AAK1: variants seen among roughly 807,000 people sequenced by gnomAD.
AAK1 encodes the protein AP2-associated protein kinase 1.
In AAK1, 37 loss-of-function variants were observed where a neutral mutation model predicts 116.0. The observed-to-expected ratio is 0.32, with a 90% confidence interval of 0.25 to 0.42. The LOEUF is 0.42. Ranked by LOEUF, AAK1 falls within the 10% of genes least tolerant of loss-of-function variation. The pLI is 1.00. For missense variants in AAK1, 919 were observed against 1,170.6 expected (o/e 0.79, Z 3.14); for synonymous variants, 458 against 439.9 (o/e 1.04, Z -0.51).
intron 2 of AAK1, among the ~76,000 whole-genome samples, chr2:69,560,852 G>C (rs559223109): frequency 2.0e-5 from 3 of 152,292 alleles, no homozygotes; most frequent in African/African-American, 7.2e-5. Context: ...ATTCAATAAT[G>C]AACTAACTCT....
At chr2:69,531,848 G>C (rs1279506351) in intron 6 of AAK1, 193 bp downstream of exon 6, 2 of 1,260,942 alleles carry the variant, frequency 1.6e-6, no homozygotes, top group Admixed American at 5.7e-5. Context: ...CTTTTACTCT[G>C]ATGTATGCCT....
At chr2:69,586,913 G>C (rs11679586) in intron 2 of AAK1, among the ~76,000 whole-genome samples, 1 of 152,228 alleles carries the variant, frequency 6.6e-6, no homozygotes, top group East Asian at 1.9e-4. Context: ...GAGCCTAATA[G>C]GCAGTTAGCT....
intron 2 of AAK1, among the ~76,000 whole-genome samples, chr2:69,557,597 T>G (rs954833781): frequency 6.6e-6 from 1 of 152,178 alleles, no homozygotes; most frequent in Non-Finnish European, 1.5e-5. Flanking sequence ...AGCCCTGTCT[T>G]GGGTATTTTG....
In AAK1 at chr2:69,622,386, C is replaced by T. The variant is rs539129410; in HGVS notation, c.163+20492G>A. On this transcript the variant is annotated intron_variant, in intron 2 of 21. Transcript: ENST00000409085. Reference sequence around the variant, plus strand: ...ACGAGCGCCACCCCCTGCTCCACAGCGCCCGGTCCCATCAACTGCCCAAGG... The same window carrying T: ...ACGAGCGCCACCCCCTGCTCCACAGTGCCCGGTCCCATCAACTGCCCAAGG... 1.2e-3 allele frequency among the ~76,000 whole-genome samples: 186 copies of T among 152,258 alleles called. 1 individual carries two copies. The highest frequency in any genetic ancestry group is 1.7e-3 in the Non-Finnish European group (118 of 67,994).
At chr2:69,540,562 C>T (rs372679233) in intron 5 of AAK1, among the ~76,000 whole-genome samples, 1 of 152,218 alleles carries the variant, frequency 6.6e-6, no homozygotes, top group East Asian at 1.9e-4. Flanking sequence ...GGATGTACCA[C>T]TTCATACCCA....
chr2:69,627,750 C>T (rs1674974794), intron 2 of AAK1, among the ~76,000 whole-genome samples: 1 of 152,174 alleles, frequency 6.6e-6, no homozygotes, highest in Admixed American at 6.6e-5. Context: ...TTTCAGTTTT[C>T]ATTCCTATCT....
rs145060763 is a variant in AAK1, at chr2:69,603,375, G to GGA, written c.163+39501_163+39502dup. ...CACGAGCCAGCACGCAAGAAACAGAGGAGAGAGAGAGAGAGAACCCTATTC... is the reference window on the plus strand; with the variant it reads ...CACGAGCCAGCACGCAAGAAACAGAGGAGAGAGAGAGAGAGAGAACCCTATTC... On this transcript the variant is annotated intron_variant, in intron 2 of 21. Transcript: ENST00000409085. Among the ~76,000 whole-genome samples the GGA allele has an allele frequency of 5.2e-3, 791 of 151,708 alleles. 5 individuals are homozygous for GGA. The highest frequency in any genetic ancestry group is 8.3e-3 in the Non-Finnish European group (564 of 67,876).
Position 69,566,516 on chromosome 2 carries a change from T to A in AAK1, c.164-9538A>T, listed in dbSNP as rs188213234. Among the ~76,000 whole-genome samples, 272 of 152,248 alleles carry A rather than the reference T, an allele frequency of 1.8e-3. 2 individuals carry two copies. Among genetic ancestry groups the A allele is most frequent in the African/African-American group, 6.0e-3 (249 of 41,548 alleles). On this transcript the variant is annotated intron_variant, in intron 2 of 21. Transcript: ENST00000409085. ...AAGCTGTGGGCACAAAATCAGAGAC[T>A]GGCAAACGGTGGTGGTTGTGGAGGT... is the stretch of plus-strand genomic sequence containing the variant.
intron 2 of AAK1, among the ~76,000 whole-genome samples, chr2:69,601,013 A>G (rs1673552584): frequency 6.6e-6 from 1 of 152,232 alleles, no homozygotes; most frequent in African/African-American, 2.4e-5. Context: ...AAATATGTTT[A>G]AATTCAGGTA....
Position 69,472,491 on chromosome 2 carries a change from G to A in AAK1, c.*3378C>T. 1 of 543,880 alleles carries A rather than the reference G, an allele frequency of 1.8e-6. No homozygotes were observed. The highest frequency in any genetic ancestry group is 2.3e-6 in the Non-Finnish European group (1 of 426,782). 33.7% of individuals were successfully genotyped at this position (543,880 alleles called of 1,614,324 possible). A position where few individuals can be genotyped will look rare whatever the true frequency, so the allele number is the denominator to read the frequency against. On this transcript the variant is annotated 3_prime_UTR_variant, in exon 22 of 22. Coordinates refer to ENST00000409085, the MANE Select transcript of AAK1 (RefSeq NM_014911.5). ...ATTAACTTCTTAAGTAAAACTAGAT[G>A]ACATTGAGGGGAACAACACTTAATT...
intron 12 of AAK1, among the ~76,000 whole-genome samples, chr2:69,515,219 A>G (rs1480138835): frequency 1.3e-5 from 2 of 152,248 alleles, no homozygotes; most frequent in East Asian, 1.9e-4. Flanking sequence ...TAACTCAACT[A>G]TTAAGACTCA....
rs990324038 is a variant in AAK1, at chr2:69,509,479, G to A, written c.1777-19C>T. ...CTTGAATCTGCTAGGAAGAGAGACG[G>A]AAAGTGTTTCATTAAATTAAAAAAA... is the stretch of plus-strand genomic sequence containing the variant. On this transcript the variant is annotated intron_variant, in intron 13 of 21. Coordinates refer to ENST00000409085, the MANE Select transcript of AAK1 (RefSeq NM_014911.5). The A allele has an allele frequency of 6.3e-7, 1 of 1,582,960 alleles. No individual in the cohort carries two copies. The highest frequency in any genetic ancestry group is 8.6e-7 in the Non-Finnish European group (1 of 1,164,100).
Position 69,634,194 on chromosome 2 carries a change from A to T in AAK1, c.163+8684T>A, listed in dbSNP as rs139536879. ...AAAATATATATATAAAAAGAATGTT[A>T]TGAGAAAAGATACTGATGATCCTTT... On this transcript the variant is annotated intron_variant, in intron 2 of 21. Transcript: ENST00000409085. 3.3e-5 allele frequency among the ~76,000 whole-genome samples: 5 copies of T among 152,320 alleles called. No homozygotes were observed. The East Asian group carries it at 9.6e-4, about 29-fold the overall frequency.
chr2:69,603,536 G>A (rs902830671), intron 2 of AAK1, among the ~76,000 whole-genome samples: 5 of 152,158 alleles, frequency 3.3e-5, no homozygotes, highest in African/African-American at 7.2e-5. Context: ...GCAGAAGGTC[G>A]CAAATCCACA....
chr2:69,542,696 G>A (rs781161795), intron 4 of AAK1, 31 bp from the exon 5 acceptor site: 29 of 1,606,050 alleles, frequency 1.8e-5, no homozygotes, highest in South Asian at 6.7e-5. Flanking sequence ...CAAAGGAGAC[G>A]TTATAAACAT....
chr2:69,458,787 T>C lies in AAK1; in HGVS notation c.*17082A>G, dbSNP rs756913643. 2.0e-5 allele frequency: 3 copies of C among 152,592 alleles called. No homozygotes were observed. Among genetic ancestry groups the C allele is most frequent in the Non-Finnish European group, 2.9e-5 (2 of 68,036 alleles). 9.5% of individuals were successfully genotyped at this position (152,592 alleles called of 1,614,324 possible). A position where few individuals can be genotyped will look rare whatever the true frequency, so the allele number is the denominator to read the frequency against. Reference sequence around the variant, plus strand: ...CTCAAAGAGTACAGCTGATTTGCCATTTCAGAGTGAAAAGGCTGCACTGTC... The same window carrying C: ...CTCAAAGAGTACAGCTGATTTGCCACTTCAGAGTGAAAAGGCTGCACTGTC... On this transcript the variant is annotated 3_prime_UTR_variant, in exon 22 of 22. Transcript: ENST00000409085.
At position 69,466,348 on chromosome 2, in the gene AAK1, C is replaced by T. The variant is rs1674485846; in HGVS notation, c.*9521G>A. 3.1e-6 allele frequency: 4 copies of T among 1,289,726 alleles called. No individual in the cohort carries two copies. The highest frequency in any genetic ancestry group is 3.0e-5 in the African/African-American group (2 of 65,860). 79.9% of individuals were successfully genotyped at this position (1,289,726 alleles called of 1,614,324 possible). A position where few individuals can be genotyped will look rare whatever the true frequency, so the allele number is the denominator to read the frequency against. ...CAGTCCAGCATGTCTCCTTCAAGGT[C>T]AGTCCCTTCCTCTTCGCTGCTGTGG... On this transcript the variant is annotated 3_prime_UTR_variant, in exon 22 of 22. Transcript: ENST00000409085.
rs573271896 is a variant in AAK1 at position 69,521,802 on chromosome 2, T to C, written c.1056-814A>G. 2.6e-5 allele frequency among the ~76,000 whole-genome samples: 4 copies of C among 152,348 alleles called. No individual in the cohort carries two copies. The South Asian group carries it at 6.2e-4, about 24-fold the overall frequency. On this transcript the variant is annotated intron_variant, in intron 10 of 21. Transcript: ENST00000409085. ...TTCCTCTTTGACTATTCCTTGATCC[T>C]GCTGCTAGGAGCAGAGATGTTGCCA...
At chr2:69,537,369 G>A (rs1383783030) in intron 5 of AAK1, among the ~76,000 whole-genome samples, 1 of 152,216 alleles carries the variant, frequency 6.6e-6, no homozygotes, top group Admixed American at 6.5e-5. Flanking sequence ...TCTGTCACTG[G>A]AAAGAAAGGC....
Sources: allele counts gnomAD v4.1 joint callset (sites outside exome capture counted in the v4.1 genomes callset), GRCh38; gene constraint gnomAD v4.1.1; transcripts MANE v1.5; gene names NCBI Gene and HGNC (gene_info 2026-07-23, HGNC 2026-07-21).